The following LRP8 variants were observed in gnomAD, a reference collection of about 807,000 sequenced individuals.
LRP8 encodes the protein low-density lipoprotein receptor-related protein 8.
Under a neutral mutation model 111.6 loss-of-function variants are expected in LRP8, and 46 were observed. That is an observed-to-expected ratio of 0.41 (90% CI 0.33 to 0.53). The LOEUF (loss-of-function observed/expected upper bound fraction) is 0.53. Ranked by LOEUF, LRP8 falls within the 20% of genes least tolerant of loss-of-function variation. The pLI, the probability that LRP8 is intolerant of heterozygous loss-of-function variation, is 0.20. For missense variants in LRP8, 959 were observed against 1,297.4 expected, an observed-to-expected ratio of 0.74 and a Z score of 4.01; for synonymous variants, 464 against 511.2, an observed-to-expected ratio of 0.91 and a Z score of 1.24.
chr1:53,257,495 G>T, intron 14 of LRP8, 31 bp from the exon 15 acceptor site: 1 of 1,573,140 alleles, frequency 6.4e-7, no homozygotes, highest in Non-Finnish European at 8.7e-7. Flanking sequence ...AGGTCACTTG[G>T]ACAGATAATT....
chr1:53,304,837 T>C (rs1453642324), intron 2 of LRP8, among the ~76,000 whole-genome samples: 1 of 152,094 alleles, frequency 6.6e-6, no homozygotes, highest in Non-Finnish European at 1.5e-5. Context: ...AGAGGAAAGG[T>C]GTGGGGTCAT....
chr1:53,289,311 C>A (rs1648193764), intron 3 of LRP8: 2 of 367,088 alleles, frequency 5.4e-6, no homozygotes, highest in South Asian at 7.9e-5. Flanking sequence ...TCCTTCTGGG[C>A]AGAAGGGCTT....
At chr1:53,292,690 A>G (rs1649010504) in intron 2 of LRP8, among the ~76,000 whole-genome samples, 1 of 152,226 alleles carries the variant, frequency 6.6e-6, no homozygotes, top group African/African-American at 2.4e-5. Flanking sequence ...AGTCTCTGCC[A>G]GGTGTTTTTA....
chr1:53,284,876 C>T (rs1647321662), intron 3 of LRP8, among the ~76,000 whole-genome samples: 1 of 152,134 alleles, frequency 6.6e-6, no homozygotes, highest in South Asian at 2.1e-4. Context: ...GGCAGGAGAC[C>T]AAGGCCCAGA....
At chr1:53,318,521 C>G (rs148355431) in intron 2 of LRP8, among the ~76,000 whole-genome samples, 6 of 152,302 alleles carry the variant, frequency 3.9e-5, no homozygotes, top group Non-Finnish European at 7.3e-5. Flanking sequence ...TCAGCAGCTC[C>G]TTTCCTAAGA....
intron 6 of LRP8, chr1:53,272,718 C>A: frequency 7.9e-7 from 1 of 1,272,032 alleles, no homozygotes; most frequent in South Asian, 1.2e-5. Context: ...CCCTGGGAAG[C>A]CTCAGACCCT....
intron 4 of LRP8, among the ~76,000 whole-genome samples, chr1:53,278,796 T>C (rs1647011638): frequency 6.7e-6 from 1 of 148,666 alleles, no homozygotes; most frequent in Non-Finnish European, 1.5e-5. Context: ...TGAGATGGAG[T>C]CTCGCTCTGT....
intron 2 of LRP8, among the ~76,000 whole-genome samples, chr1:53,322,394 G>T (rs1024337006): frequency 6.6e-6 from 1 of 152,182 alleles, no homozygotes; most frequent in African/African-American, 2.4e-5. Context: ...GGATCTCTTA[G>T]GATGATAAAA....
At chr1:53,295,011 G>C (rs965842437) in intron 2 of LRP8, among the ~76,000 whole-genome samples, 1 of 152,210 alleles carries the variant, frequency 6.6e-6, no homozygotes, top group African/African-American at 2.4e-5. Context: ...CCCCTACGTG[G>C]GTCTCCCATG....
At chr1:53,263,821 T>C (rs1263705669) in intron 10 of LRP8, among the ~76,000 whole-genome samples, 1 of 152,138 alleles carries the variant, frequency 6.6e-6, no homozygotes, top group Non-Finnish European at 1.5e-5. Context: ...TGGGAGGTAA[T>C]GAGCTACCTG....
chr1:53,277,115 C>A, intron 4 of LRP8, 37 bp from the exon 5 acceptor site: 1 of 1,422,024 alleles, frequency 7.0e-7, no homozygotes, highest in South Asian at 1.4e-5. Context: ...CCGCCGACCC[C>A]CTCCCCGGCC....
At chr1:53,310,184 G>A (rs1652737219) in intron 2 of LRP8, among the ~76,000 whole-genome samples, 1 of 146,314 alleles carries the variant, frequency 6.8e-6, no homozygotes, top group Non-Finnish European at 1.5e-5. Context: ...GAGACAGCAT[G>A]GGGAGAGGGA....
intron 13 of LRP8, among the ~76,000 whole-genome samples, chr1:53,259,450 C>T (rs1161924387): frequency 6.6e-6 from 1 of 151,982 alleles, no homozygotes; most frequent in Non-Finnish European, 1.5e-5. Context: ...AGCACCATAC[C>T]TAGTGTTTTA....
At chr1:53,325,290 C>A (rs959472552) in intron 2 of LRP8, among the ~76,000 whole-genome samples, 12 of 152,232 alleles carry the variant, frequency 7.9e-5, no homozygotes, top group Non-Finnish European at 1.6e-4. Context: ...AAGCAGGTAA[C>A]TTCACAGTTC....
rs370116047 is a variant in LRP8 at position 53,264,236 on chromosome 1, G to A, written c.1588C>T (p.Arg530Cys). 34 of 1,614,092 alleles carry A rather than the reference G, an allele frequency of 2.1e-5. 1 individual carries two copies. The Admixed American group carries it at 3.3e-4, about 16-fold the overall frequency. Residue 530 changes from arginine (R) to cysteine (C), a missense_variant, in exon 10 of 19, where the codon CGC (arginine) becomes TGC (cysteine). Physicochemically the swap from Arg to Cys is radical, Grantham distance 180. Transcript: ENST00000306052. ...TTACGGCTGAAGAGAGTGCGTCGGC[G>A]GCCACCATCAACTGTGGCCACTGAG... is the stretch of plus-strand genomic sequence containing the variant. ...TISVATVDGGRRRTLFSRNLS... is the reference protein window; with the variant it reads ...TISVATVDGGCRRTLFSRNLS...
intron 7 of LRP8, 22 bp downstream of exon 7, chr1:53,271,205 G>C (rs773915239): frequency 1.9e-6 from 3 of 1,613,930 alleles, no homozygotes; most frequent in African/African-American, 2.7e-5. Context: ...CTTCTGCTTG[G>C]GGGTGTGGGA....
intron 3 of LRP8, among the ~76,000 whole-genome samples, chr1:53,287,648 G>C (rs12069699): frequency 0.012 from 1,860 of 152,274 alleles, 26 homozygotes; most frequent in African/African-American, 0.042. Context: ...ACCTGCCATG[G>C]ATAAGCTGTG....
chr1:53,276,797 C>T lies in LRP8; in HGVS notation c.778G>A (p.Ala260Thr), dbSNP rs1444065805. 5 of 1,351,176 alleles carry T rather than the reference C, an allele frequency of 3.7e-6. No individual in the cohort carries two copies. The African/African-American group carries it at 6.2e-5, about 17-fold the overall frequency. The allele number at this position is 1,351,176 out of a possible 1,614,324, so 83.7% of individuals were successfully genotyped here. ...PGATSAPAAC[A>T]TASQFACRSG... ...CGGCAGGCGAACTGGGAGGCGGTGG[C>T]GCAGGCGGCGGGCGCGGACGTGGCC... Residue 260 changes from alanine (A) to threonine (T), a missense_variant, in exon 5 of 19, where the codon GCC (alanine) becomes ACC (threonine). By Grantham distance (58) the Ala-to-Thr change is moderately conservative (BLOSUM62 0). Around this residue, in one of 3 missense-constraint regions of LRP8, gnomAD observed 819 missense variants for 1,097.6 expected, o/e 0.75. Transcript: ENST00000306052.
At position 53,276,769 on chromosome 1, in the gene LRP8, C is replaced by A; in HGVS notation, c.806G>T (p.Ser269Ile). 1 of 1,425,298 alleles carries A rather than the reference C, an allele frequency of 7.0e-7. No homozygotes were observed. Among genetic ancestry groups the A allele is most frequent in the Non-Finnish European group, 9.2e-7 (1 of 1,085,164 alleles). The allele number at this position is 1,425,298 out of a possible 1,614,324, so 88.3% of individuals were successfully genotyped here. A position where few individuals can be genotyped will look rare whatever the true frequency, so the allele number is the denominator to read the frequency against. ...CATASQFACRSGECVHLGWRC... is the reference protein window; with the variant it reads ...CATASQFACRIGECVHLGWRC... The stretch of plus-strand genomic sequence containing the variant: ...CCAGCCCAGGTGCACGCACTCGCCG[C>A]TGCGGCAGGCGAACTGGGAGGCGGT... The change falls in exon 5 of 19, where the codon AGC (serine) becomes ATC (isoleucine). Residue 269 changes from serine (S) to isoleucine (I), a missense_variant. Transcript: ENST00000306052.
Sources: gnomAD v4.1 joint callset for allele counts (sites outside exome capture counted in the v4.1 genomes callset) on GRCh38, gnomAD v4.1.1 for gene constraint, gnomAD v4.1.1 regional missense constraint, MANE v1.5 for transcripts, NCBI Gene and HGNC (gene_info 2026-07-23, HGNC 2026-07-21) for gene names.